Variants in CLYBL observed in about 807,000 individuals in gnomAD.
CLYBL encodes the protein citramalyl-CoA lyase, mitochondrial.
Under a neutral mutation model 38.9 loss-of-function variants are expected in CLYBL, and 31 were observed. That is an observed-to-expected ratio of 0.80 (90% CI 0.60 to 1.08). The LOEUF (loss-of-function observed/expected upper bound fraction) is 1.08, where lower values mean the gene tolerates loss of function less well. Ranked by LOEUF, CLYBL falls within the 50% of genes least tolerant of loss-of-function variation. The probability of loss-of-function intolerance (pLI) is 0.00; values close to 1 mark genes in which losing one functional copy is unlikely to be tolerated. For missense variants in CLYBL, 434 were observed against 411.6 expected, an observed-to-expected ratio of 1.05 and a Z score of -0.47; for synonymous variants, 171 against 158.6, an observed-to-expected ratio of 1.08 and a Z score of -0.59.
At chr13:99,750,747 C>A (rs1201942299) in intron 1 of CLYBL, among the ~76,000 whole-genome samples, 2 of 145,692 alleles carry the variant, frequency 1.4e-5, no homozygotes, top group African/African-American at 5.1e-5. Flanking sequence ...AAAAAAAAAT[C>A]TTATGTTTAA....
At position 99,692,296 on chromosome 13, in the gene CLYBL, T is replaced by TTG. The variant is rs1555353026; in HGVS notation, c.63-80527_63-80526insGT. 1.9e-3 allele frequency among the ~76,000 whole-genome samples: 283 copies of TTG among 150,504 alleles called. 1 individual carries two copies. The highest frequency in any genetic ancestry group is 6.3e-3 in the South Asian group (30 of 4,744). Reference sequence around the variant, plus strand: ...ACATTTGTTTTTTTTGTTTTTTTTTTTTTGTTTGTTTTTTTGAGACAGTCT... The same window carrying TTG: ...ACATTTGTTTTTTTTGTTTTTTTTTTTGTTTGTTTGTTTTTTTGAGACAGTCT... On this transcript the variant is annotated intron_variant, in intron 1 of 8. Coordinates refer to ENST00000339105, the MANE Select transcript of CLYBL (RefSeq NM_206808.5).
intron 1 of CLYBL, among the ~76,000 whole-genome samples, chr13:99,681,019 G>T (rs1013521694): frequency 6.6e-6 from 1 of 152,142 alleles, no homozygotes; most frequent in Admixed American, 6.5e-5. Context: ...TGATTATTTT[G>T]GACCAGCGCC....
At chr13:99,839,408 G>A (rs2051014594) in intron 2 of CLYBL, among the ~76,000 whole-genome samples, 1 of 152,222 alleles carries the variant, frequency 6.6e-6, no homozygotes, top group Non-Finnish European at 1.5e-5. Context: ...TTGCCAAGAG[G>A]ATGGCAGGGC....
At chr13:99,627,738 A>G (rs1212429342) in intron 1 of CLYBL, among the ~76,000 whole-genome samples, 1 of 152,234 alleles carries the variant, frequency 6.6e-6, no homozygotes, top group Non-Finnish European at 1.5e-5. Context: ...TTAGTCAACC[A>G]CTTTTGAAAA....
intron 1 of CLYBL, among the ~76,000 whole-genome samples, chr13:99,731,781 G>A (rs183174253): frequency 7.8e-4 from 119 of 152,304 alleles, no homozygotes; most frequent in African/African-American, 2.7e-3. Flanking sequence ...GAAGAATCCT[G>A]TGTTCTCAAT....
At chr13:99,606,957 G>A (rs2046535396) in intron 1 of CLYBL, among the ~76,000 whole-genome samples, 200 bp downstream of exon 1, 2 of 152,156 alleles carry the variant, frequency 1.3e-5, no homozygotes, top group African/African-American at 4.8e-5. Flanking sequence ...GAGGGCCCTC[G>A]TTGCACCCGG....
intron 2 of CLYBL, among the ~76,000 whole-genome samples, chr13:99,796,373 T>C (rs1314290844): frequency 4.6e-5 from 7 of 152,078 alleles, no homozygotes; most frequent in African/African-American, 1.4e-4. Flanking sequence ...GCCTCTCCCC[T>C]TCCTAAGAGG....
At chr13:99,898,244 AT>A (rs901132845), downstream of CLYBL, among the ~76,000 whole-genome samples, 7 of 152,310 alleles carry the variant, frequency 4.6e-5, no homozygotes, top group Admixed American at 3.3e-4. Context: ...TTCCTTCATA[AT>A]CAGACACACT....
chr13:99,618,631 A>C (rs1378586401), intron 1 of CLYBL, among the ~76,000 whole-genome samples: 1 of 152,204 alleles, frequency 6.6e-6, no homozygotes, highest in Admixed American at 6.5e-5. Flanking sequence ...TTGTTGTACA[A>C]CTGTCACCAC....
chr13:99,873,160 T>C (rs1270890720), intron 7 of CLYBL, among the ~76,000 whole-genome samples: 3 of 152,180 alleles, frequency 2.0e-5, no homozygotes, highest in East Asian at 1.9e-4. Context: ...ATTCAAGTAA[T>C]GGGGCTTCCA....
intron 7 of CLYBL, among the ~76,000 whole-genome samples, chr13:99,887,227 A>T (rs762401509): frequency 7.0e-6 from 1 of 142,276 alleles, no homozygotes; most frequent in Non-Finnish European, 1.5e-5. Context: ...AGGAATCTGC[A>T]TTTTAACAAG....
At chr13:99,863,948 G>A (rs1775581397) in intron 4 of CLYBL, among the ~76,000 whole-genome samples, 1 of 152,134 alleles carries the variant, frequency 6.6e-6, no homozygotes, top group African/African-American at 2.4e-5. Context: ...GTGCAGAAGG[G>A]GTCGAGTGCA....
At chr13:99,899,858 A>G (rs746473201), downstream of CLYBL, among the ~76,000 whole-genome samples, 1 of 152,194 alleles carries the variant, frequency 6.6e-6, no homozygotes, top group Non-Finnish European at 1.5e-5. Context: ...TGGGAATCCC[A>G]CTGCGCAGAG....
intron 2 of CLYBL, among the ~76,000 whole-genome samples, chr13:99,783,024 G>GT (rs2049692853): frequency 6.6e-6 from 1 of 151,406 alleles, no homozygotes; most frequent in Admixed American, 6.6e-5. Context: ...ATCCTCTGAG[G>GT]TTTTTTGTTT....
chr13:99,688,151 A>G (rs1360831618), intron 1 of CLYBL, among the ~76,000 whole-genome samples: 2 of 152,158 alleles, frequency 1.3e-5, no homozygotes, highest in Non-Finnish European at 2.9e-5. Context: ...AATTTTTATT[A>G]GTAGTGAAAA....
intron 1 of CLYBL, among the ~76,000 whole-genome samples, chr13:99,724,881 T>A (rs142544125): frequency 2.0e-5 from 3 of 152,322 alleles, no homozygotes; most frequent in African/African-American, 7.2e-5. Context: ...GGGCGTGTCG[T>A]TGGGGTCACT....
At chr13:99,891,523 T>TC (rs2152132498) in intron 8 of CLYBL, 86 bp downstream of exon 8, 1 of 716,746 alleles carries the variant, frequency 1.4e-6, no homozygotes, top group East Asian at 2.7e-5. Flanking sequence ...GGGACCTGAC[T>TC]CCATTTACAG....
chr13:99,636,793 C>T (rs2086987387), intron 1 of CLYBL, among the ~76,000 whole-genome samples: 2 of 152,122 alleles, frequency 1.3e-5, no homozygotes, highest in South Asian at 2.1e-4. Flanking sequence ...ATTAGTGGTT[C>T]TGGATTCTCT....
At chr13:99,752,868 G>C (rs1179282246) in intron 1 of CLYBL, among the ~76,000 whole-genome samples, 1 of 152,104 alleles carries the variant, frequency 6.6e-6, no homozygotes, top group East Asian at 1.9e-4. Context: ...GTTCCTGTCT[G>C]GGACAGCCAA....
Sources: allele counts gnomAD v4.1 joint callset (sites outside exome capture counted in the v4.1 genomes callset), GRCh38; gene constraint gnomAD v4.1.1; transcripts MANE v1.5; gene names NCBI Gene and HGNC (gene_info 2026-07-23, HGNC 2026-07-21).